LRRC3B: variants seen among roughly 807,000 people sequenced by gnomAD.
LRRC3B encodes the protein leucine rich repeat containing 3B.
Under a neutral mutation model 12.8 loss-of-function variants are expected in LRRC3B, and 2 were observed. That is an observed-to-expected ratio of 0.16 (90% CI 0.06 to 0.49). The LOEUF (loss-of-function observed/expected upper bound fraction) is 0.49. Ranked by LOEUF, LRRC3B falls within the 20% of genes least tolerant of loss-of-function variation. LRRC3B has a pLI of 0.96. For synonymous variants in LRRC3B, 132 were observed against 122.0 expected (o/e 1.08, Z -0.54); for missense variants, 189 against 319.4 (o/e 0.59, Z 3.11).
At chr3:26,708,567 G>A (rs1054703227) in intron 1 of LRRC3B, among the ~76,000 whole-genome samples, 1 of 152,152 alleles carries the variant, frequency 6.6e-6, no homozygotes, top group African/African-American at 2.4e-5. Flanking sequence ...TCCCAAAGAT[G>A]TGTGCTTTCT....
chr3:26,707,088 C>T (rs2125464738), intron 1 of LRRC3B, among the ~76,000 whole-genome samples: 1 of 151,906 alleles, frequency 6.6e-6, no homozygotes, highest in South Asian at 2.1e-4. Context: ...CGCAGTGGCT[C>T]ATACCTGTAA....
At chr3:26,627,037 C>T (rs1698642590) in intron 1 of LRRC3B, among the ~76,000 whole-genome samples, 1 of 152,140 alleles carries the variant, frequency 6.6e-6, no homozygotes, top group Non-Finnish European at 1.5e-5. Flanking sequence ...TGAGGCAAAA[C>T]AATATATTTC....
At chr3:26,645,573 C>T (rs1049970723) in intron 1 of LRRC3B, among the ~76,000 whole-genome samples, 3 of 151,780 alleles carry the variant, frequency 2.0e-5, no homozygotes, top group South Asian at 2.1e-4. Flanking sequence ...TAGATATATA[C>T]ACATGTATAA....
At chr3:26,706,959 C>G (rs900238507) in intron 1 of LRRC3B, among the ~76,000 whole-genome samples, 18 of 152,080 alleles carry the variant, frequency 1.2e-4, no homozygotes, top group African/African-American at 4.3e-4. Context: ...TTTATTTAGT[C>G]CTCACTATAT....
Position 26,667,758 on chromosome 3 carries a change from T to A in LRRC3B, c.-160-41755T>A, listed in dbSNP as rs1195493130. Among the ~76,000 whole-genome samples the A allele has an allele frequency of 2.6e-5, 4 of 152,282 alleles. No individual in the cohort carries two copies. In the East Asian group the frequency reaches 7.7e-4, roughly 29 times the overall value. The stretch of plus-strand genomic sequence containing the variant: ...TACTAAAAGAACAGACTGAGAAATA[T>A]AATCTTCATTGTAGGCAGTGTTGTG... On this transcript the variant is annotated intron_variant, in intron 1 of 1. Coordinates refer to ENST00000396641, the Ensembl canonical transcript of LRRC3B.
chr3:26,657,811 C>T (rs551605713), intron 1 of LRRC3B, among the ~76,000 whole-genome samples: 18 of 152,250 alleles, frequency 1.2e-4, no homozygotes, highest in Non-Finnish European at 2.5e-4. Flanking sequence ...AACTATGAAT[C>T]GACGGGCATA....
chr3:26,694,618 C>T (rs964354141), intron 1 of LRRC3B: 1 of 152,198 alleles, frequency 6.6e-6, no homozygotes, highest in African/African-American at 2.4e-5. Context: ...AGGAAACTGA[C>T]ATGCGGAACA....
At chr3:26,667,787 G>T (rs1276007869) in intron 1 of LRRC3B, among the ~76,000 whole-genome samples, 2 of 152,100 alleles carry the variant, frequency 1.3e-5, no homozygotes, top group Admixed American at 1.3e-4. Context: ...TGTTGTGCCT[G>T]GCAAAAACAG....
chr3:26,710,576 A>T (rs1700728449), exon 2 of LRRC3B: 1 of 1,006,938 alleles, frequency 9.9e-7, no homozygotes, highest in Non-Finnish European at 1.4e-6. Flanking sequence ...CTTTTGAATT[A>T]TGCCACTGCT....
intron 1 of LRRC3B, among the ~76,000 whole-genome samples, chr3:26,627,282 A>G (rs1698649149): frequency 6.6e-6 from 1 of 152,198 alleles, no homozygotes; most frequent in Admixed American, 6.5e-5. Flanking sequence ...ACCAACAAAA[A>G]GTCAGCCAGG....
intron 1 of LRRC3B, among the ~76,000 whole-genome samples, chr3:26,636,624 A>C (rs937799372): frequency 2.0e-5 from 3 of 152,124 alleles, no homozygotes; most frequent in Non-Finnish European, 2.9e-5. Flanking sequence ...TAAAAAAAAA[A>C]CAGGACACAA....
At chr3:26,662,507 C>T (rs1323450582) in intron 1 of LRRC3B, among the ~76,000 whole-genome samples, 8 of 152,034 alleles carry the variant, frequency 5.3e-5, no homozygotes, top group Non-Finnish European at 1.0e-4. Flanking sequence ...ATCTCTCTAC[C>T]GCTAAAACTA....
intron 1 of LRRC3B, among the ~76,000 whole-genome samples, chr3:26,691,087 GTA>G (rs1313243277): frequency 0.011 from 1,214 of 113,696 alleles, 32 homozygotes; most frequent in Non-Finnish European, 0.011. Context: ...ATGTGTGTGT[GTA>G]TATGTGTGTG....
intron 1 of LRRC3B, among the ~76,000 whole-genome samples, chr3:26,700,993 A>G (rs1700439235): frequency 6.6e-6 from 1 of 152,096 alleles, no homozygotes; most frequent in African/African-American, 2.4e-5. Context: ...TTTAATTTCT[A>G]TCCTCTTGAT....
intron 1 of LRRC3B, among the ~76,000 whole-genome samples, chr3:26,703,397 C>G (rs1700507203): frequency 6.6e-6 from 1 of 152,086 alleles, no homozygotes; most frequent in Admixed American, 6.6e-5. Context: ...GCAAAAGAGG[C>G]AACCACCATC....
rs115147781 is a variant in LRRC3B, at chr3:26,657,327, T to G, written c.-161+34090T>G. ...TGAATCACCTCCATGTTTGAAATTC[T>G]TAGCATTCCAGGTATACAGTGCATA... On this transcript the variant is annotated intron_variant, in intron 1 of 1. Coordinates refer to ENST00000396641, the Ensembl canonical transcript of LRRC3B. 4.3e-3 allele frequency among the ~76,000 whole-genome samples: 653 copies of G among 152,368 alleles called. 1 individual carries two copies. Among genetic ancestry groups the G allele is most frequent in the Non-Finnish European group, 7.4e-3 (502 of 68,040 alleles).
intron 1 of LRRC3B, among the ~76,000 whole-genome samples, chr3:26,691,678 G>A (rs1575167029): frequency 6.6e-6 from 1 of 152,202 alleles, no homozygotes. Context: ...GACAAGGATT[G>A]TTGGGGGACC....
rs764382695 is a variant in LRRC3B at position 26,710,260 on chromosome 3, C to T, written c.588C>T (p.Asn196=). ...CTGCCAACGACGCTGACCTTTGTAA[C>T]CTCCCTAAAAAAACTACCGATTATG... The change falls in exon 2 of 2, where the codon AAC becomes AAT. Residue 196 remains asparagine (N), a synonymous_variant. Coordinates refer to ENST00000396641, the Ensembl canonical transcript of LRRC3B. The T allele has an allele frequency of 9.2e-5, 148 of 1,613,746 alleles. 1 individual carries two copies. The Admixed American group carries it at 9.2e-4, about 10-fold the overall frequency.
At chr3:26,710,680 T>C in exon 2 of LRRC3B, 2 of 416,546 alleles carry the variant, frequency 4.8e-6, no homozygotes, top group Non-Finnish European at 8.9e-6. Context: ...AGTAAGCTAC[T>C]ATCTGAACAT....
Sources: gnomAD v4.1 joint callset for allele counts (sites outside exome capture counted in the v4.1 genomes callset) on GRCh38, gnomAD v4.1.1 for gene constraint, MANE v1.5 for transcripts, NCBI Gene and HGNC (gene_info 2026-07-23, HGNC 2026-07-21) for gene names.